The following SFXN5 variants were observed in gnomAD, a reference collection of about 807,000 sequenced individuals.
SFXN5 encodes sideroflexin 5, also known as sideroflexin-5.
Under a neutral mutation model 50.2 loss-of-function variants are expected in SFXN5, and 43 were observed. That is an observed-to-expected ratio of 0.86 (90% CI 0.67 to 1.11). The LOEUF (loss-of-function observed/expected upper bound fraction) is 1.11, where lower values mean the gene tolerates loss of function less well. SFXN5 is among the 50% of genes least tolerant of loss of function. The pLI, the probability that SFXN5 is intolerant of heterozygous loss-of-function variation, is 0.00. For missense variants in SFXN5, 463 were observed against 454.1 expected (o/e 1.02, Z -0.18); for synonymous variants, 203 against 185.8 (o/e 1.09, Z -0.75).
chr2:72,985,103 G>A (rs1440580303), intron 10 of SFXN5, among the ~76,000 whole-genome samples: 2 of 152,070 alleles, frequency 1.3e-5, no homozygotes, highest in African/African-American at 2.4e-5. Flanking sequence ...CAACAACAGA[G>A]CTTAAATATG....
chr2:73,068,631 T>G (rs1683343496), intron 1 of SFXN5, among the ~76,000 whole-genome samples: 1 of 151,954 alleles, frequency 6.6e-6, no homozygotes, highest in Admixed American at 6.6e-5. Context: ...TATTCATGTA[T>G]ATAACAAATC....
rs1471681259 is a variant in SFXN5, at chr2:73,058,611, G to A, written c.103-15C>T. On this transcript the variant is annotated splice_polypyrimidine_tract_variant and intron_variant, in intron 1 of 13. Coordinates refer to ENST00000272433, the MANE Select transcript of SFXN5 (RefSeq NM_144579.3). ...TAGAAGGACGTCTGAAGAAGAGGAT[G>A]AGAGAGAAGAGTGAATGGATCAGCT... 2 of 1,612,190 alleles carry A rather than the reference G, an allele frequency of 1.2e-6. No homozygotes were observed. The highest frequency in any genetic ancestry group is 1.3e-5 in the African/African-American group (1 of 74,878).
chr2:73,039,399 T>C (rs1038255591), intron 3 of SFXN5, among the ~76,000 whole-genome samples: 1 of 152,216 alleles, frequency 6.6e-6, no homozygotes, highest in Non-Finnish European at 1.5e-5. Context: ...TAACTCCAGA[T>C]AAAACAAATT....
intron 9 of SFXN5, among the ~76,000 whole-genome samples, chr2:72,989,408 T>C (rs555282708): frequency 1.6e-4 from 25 of 152,138 alleles, no homozygotes; most frequent in Admixed American, 3.3e-4. Context: ...TAGTAATACC[T>C]ACAACACCCC....
rs1669995703 is a variant in SFXN5 at position 72,971,602 on chromosome 2, G to A, written c.709C>T (p.Leu237Phe). The part of the protein sequence containing the change: ...GIDVLDSDGN[L>F]VGSSKIAARH... ...GCTGCGATCTTGGAGGAGCCCACGA[G>A]GTTGCCATCGCTGTCCAGGACATCA... The change falls in exon 11 of 14, where the codon CTC (leucine) becomes TTC (phenylalanine). Residue 237 changes from leucine to phenylalanine, a missense_variant. Leu to Phe is a conservative substitution (Grantham distance 22). Coordinates refer to ENST00000272433, the MANE Select transcript of SFXN5 (RefSeq NM_144579.3). 1.2e-6 allele frequency: 2 copies of A among 1,613,902 alleles called. No individual in the cohort carries two copies. Among genetic ancestry groups the A allele is most frequent in the Admixed American group, 1.7e-5 (1 of 59,994 alleles).
intron 6 of SFXN5, among the ~76,000 whole-genome samples, chr2:73,007,503 G>A (rs747783837): frequency 1.3e-5 from 2 of 151,936 alleles, no homozygotes; most frequent in Admixed American, 6.6e-5. Flanking sequence ...GGTCTGTCAC[G>A]CGCTCTCCGG....
intron 2 of SFXN5, among the ~76,000 whole-genome samples, chr2:73,051,143 T>C (rs184403698): frequency 6.6e-6 from 1 of 152,284 alleles, no homozygotes; most frequent in East Asian, 1.9e-4. Flanking sequence ...TCACTGTCAC[T>C]ATCCCATAAG....
intron 2 of SFXN5, among the ~76,000 whole-genome samples, chr2:73,042,998 G>A (rs1679846353): frequency 6.6e-6 from 1 of 152,202 alleles, no homozygotes; most frequent in Non-Finnish European, 1.5e-5. Context: ...AACCTGGGGG[G>A]CAAAGGTTGC....
At chr2:73,020,351 C>T (rs1482739229) in intron 5 of SFXN5, 87 bp from the exon 6 acceptor site, 1 of 1,360,808 alleles carries the variant, frequency 7.3e-7, no homozygotes, top group Non-Finnish European at 1.0e-6. Context: ...AGGTCTTAGG[C>T]TATCAGTGGC....
intron 6 of SFXN5, among the ~76,000 whole-genome samples, chr2:73,008,140 A>C (rs538165346): frequency 6.6e-6 from 1 of 152,350 alleles, no homozygotes; most frequent in East Asian, 1.9e-4. Flanking sequence ...TGATACTTAG[A>C]GTCTCTAAGC....
chr2:72,965,218 AC>A (rs1405694210), intron 12 of SFXN5, among the ~76,000 whole-genome samples: 1 of 152,146 alleles, frequency 6.6e-6, no homozygotes, highest in African/African-American at 2.4e-5. Context: ...ACATTGACAG[AC>A]GCCGGCAGGC....
chr2:73,063,273 C>T (rs772073929), intron 1 of SFXN5, among the ~76,000 whole-genome samples: 27 of 152,044 alleles, frequency 1.8e-4, no homozygotes, highest in Non-Finnish European at 3.5e-4. Flanking sequence ...TGCCCTAAGA[C>T]CCCCACCCCA....
intron 1 of SFXN5, among the ~76,000 whole-genome samples, chr2:73,066,094 T>C (rs1683158878): frequency 6.6e-6 from 1 of 152,072 alleles, no homozygotes; most frequent in African/African-American, 2.4e-5. Flanking sequence ...GGAGTAGTGG[T>C]TAAATGCATA....
intron 7 of SFXN5, 133 bp from the exon 8 acceptor site, chr2:73,000,620 C>T: frequency 1.2e-6 from 1 of 825,808 alleles, no homozygotes; most frequent in Non-Finnish European, 1.9e-6. Context: ...GCCGCCCATG[C>T]TGCCGGTCAG....
intron 2 of SFXN5, among the ~76,000 whole-genome samples, chr2:73,050,085 A>T (rs1681043221): frequency 6.6e-6 from 1 of 151,832 alleles, no homozygotes; most frequent in Non-Finnish European, 1.5e-5. Context: ...TTCCAGACAC[A>T]CTGGGGCAGG....
chr2:73,058,665 A>AAGG, intron 1 of SFXN5, 69 bp from the exon 2 acceptor site: 5 of 1,476,096 alleles, frequency 3.4e-6, no homozygotes, highest in Non-Finnish European at 4.7e-6. Flanking sequence ...GACACTGGAG[A>AAGG]GCCCCACCCT....
chr2:73,053,785 A>G (rs1482052067), intron 2 of SFXN5, among the ~76,000 whole-genome samples: 1 of 152,150 alleles, frequency 6.6e-6, no homozygotes, highest in African/African-American at 2.4e-5. Context: ...CACCTCCTCA[A>G]GTCCTCACGA....
chr2:73,025,599 G>T (rs1297578089), intron 3 of SFXN5, among the ~76,000 whole-genome samples: 1 of 152,194 alleles, frequency 6.6e-6, no homozygotes. Flanking sequence ...TCTCGGGGAG[G>T]AAGGGGACGT....
intron 2 of SFXN5, among the ~76,000 whole-genome samples, chr2:73,043,435 C>A: frequency 6.6e-6 from 1 of 152,244 alleles, no homozygotes; most frequent in East Asian, 1.9e-4. Flanking sequence ...AGAGAGGCCA[C>A]CCTCGACCCC....
Sources: allele counts gnomAD v4.1 joint callset (sites outside exome capture counted in the v4.1 genomes callset), GRCh38; gene constraint gnomAD v4.1.1; transcripts MANE v1.5; gene names NCBI Gene and HGNC (gene_info 2026-07-23, HGNC 2026-07-21).